Variants in CDYL2 observed in about 807,000 individuals in gnomAD.
CDYL2 encodes chromodomain Y like 2, also known as chromodomain Y-like protein 2.
In CDYL2, 23 loss-of-function variants were observed where a neutral mutation model predicts 49.4. The ratio of observed to expected loss-of-function variants is 0.47; its 90% CI spans 0.34 to 0.66. The LOEUF is 0.66. Ranked by LOEUF, CDYL2 falls within the 30% of genes least tolerant of loss-of-function variation. CDYL2 has a pLI of 0.01. For synonymous variants in CDYL2, 360 were observed against 268.8 expected (o/e 1.34, Z -3.32); for missense variants, 678 against 656.4 (o/e 1.03, Z -0.36).
At chr16:80,757,687 AT>A (rs1434356617) in intron 1 of CDYL2, among the ~76,000 whole-genome samples, 1 of 151,950 alleles carries the variant, frequency 6.6e-6, no homozygotes, top group Non-Finnish European at 1.5e-5. Context: ...AGGGAAAGGT[AT>A]ATTCATAATA....
intron 1 of CDYL2, among the ~76,000 whole-genome samples, chr16:80,711,541 G>C (rs1904596142): frequency 1.3e-5 from 2 of 152,178 alleles, no homozygotes; most frequent in South Asian, 4.1e-4. Context: ...AGGATGCAAA[G>C]TGGAAGAGAG....
chr16:80,712,837 G>A (rs1032910695), intron 1 of CDYL2, among the ~76,000 whole-genome samples: 17 of 152,134 alleles, frequency 1.1e-4, no homozygotes, highest in African/African-American at 4.8e-5. Flanking sequence ...ATGCATGACC[G>A]GCTCTGAATT....
chr16:80,694,665 C>A (rs1436168159), intron 1 of CDYL2, among the ~76,000 whole-genome samples: 1 of 152,134 alleles, frequency 6.6e-6, no homozygotes, highest in Admixed American at 6.5e-5. Context: ...TTTCCTACAT[C>A]TTTCCTCTGA....
chr16:80,781,237 A>G (rs910939518), intron 1 of CDYL2, among the ~76,000 whole-genome samples: 1 of 152,240 alleles, frequency 6.6e-6, no homozygotes, highest in African/African-American at 2.4e-5. Context: ...TCGTATGAAA[A>G]GTTGGAGAAG....
chr16:80,735,536 C>T (rs1050308279), intron 1 of CDYL2, among the ~76,000 whole-genome samples: 19 of 152,118 alleles, frequency 1.2e-4, no homozygotes, highest in Non-Finnish European at 2.1e-4. Flanking sequence ...TTAATACCAT[C>T]CCCATGTTTG....
chr16:80,704,446 G>A (rs1567577935), intron 1 of CDYL2, among the ~76,000 whole-genome samples: 1 of 152,210 alleles, frequency 6.6e-6, no homozygotes, highest in Non-Finnish European at 1.5e-5. Flanking sequence ...AAACAAATGT[G>A]GCCCTCATGC....
rs1378697639 is a variant in CDYL2 at position 80,599,682 on chromosome 16, C to T, written c.*4706G>A. 6.6e-6 allele frequency: 1 copy of T among 152,086 alleles called. No individual in the cohort carries two copies. The highest frequency in any genetic ancestry group is 1.5e-5 in the Non-Finnish European group (1 of 68,028). The allele number at this position is 152,086 out of a possible 1,614,324, so 9.4% of individuals were successfully genotyped here. A position where few individuals can be genotyped will look rare whatever the true frequency, so the allele number is the denominator to read the frequency against. ...ATCTCTCAGGGAGTGCTGACCTTAC[C>T]CAGAATGGACGTTTCCAAGTCATCG... On this transcript the variant is annotated 3_prime_UTR_variant, in exon 7 of 7. Coordinates refer to ENST00000570137, the MANE Select transcript of CDYL2 (RefSeq NM_152342.4).
intron 4 of CDYL2, among the ~76,000 whole-genome samples, chr16:80,617,001 C>A (rs1291282575): frequency 2.6e-5 from 4 of 152,166 alleles, no homozygotes; most frequent in Non-Finnish European, 5.9e-5. Context: ...GCCATGTGGG[C>A]AGCTGCTAGC....
intron 1 of CDYL2, among the ~76,000 whole-genome samples, chr16:80,753,909 T>C (rs1172421168): frequency 3.3e-5 from 5 of 152,176 alleles, no homozygotes; most frequent in African/African-American, 9.7e-5. Flanking sequence ...TTCCAAAATA[T>C]ATAATCCACT....
intron 1 of CDYL2, among the ~76,000 whole-genome samples, chr16:80,731,222 A>G (rs1040277589): frequency 3.3e-5 from 5 of 149,598 alleles, no homozygotes. Flanking sequence ...AACAAAACCA[A>G]AAAGTGAAGC....
chr16:80,772,703 G>C (rs903757455), intron 1 of CDYL2, among the ~76,000 whole-genome samples: 1 of 151,896 alleles, frequency 6.6e-6, no homozygotes, highest in African/African-American at 2.4e-5. Context: ...CACCCACCTC[G>C]GCCTCCCAAA....
At chr16:80,670,463 C>T (rs1350985170) in intron 2 of CDYL2, among the ~76,000 whole-genome samples, 1 of 152,198 alleles carries the variant, frequency 6.6e-6, no homozygotes, top group African/African-American at 2.4e-5. Flanking sequence ...GAGGCCTCCA[C>T]AGCCCTGGGG....
chr16:80,787,806 T>C (rs981429115), intron 1 of CDYL2, among the ~76,000 whole-genome samples: 4 of 152,220 alleles, frequency 2.6e-5, no homozygotes, highest in Admixed American at 2.6e-4. Flanking sequence ...ATGGTTTTAC[T>C]TACTTGAACA....
intron 1 of CDYL2, among the ~76,000 whole-genome samples, chr16:80,722,538 G>A (rs1163186301): frequency 6.6e-6 from 1 of 152,206 alleles, no homozygotes; most frequent in Non-Finnish European, 1.5e-5. Flanking sequence ...CAAGCTGCAT[G>A]TATATTGTAT....
intron 2 of CDYL2, among the ~76,000 whole-genome samples, chr16:80,654,245 C>G (rs867223623): frequency 2.0e-5 from 3 of 152,120 alleles, no homozygotes; most frequent in Non-Finnish European, 4.4e-5. Flanking sequence ...AAGCCCAGCC[C>G]GGGAAGCCAA....
At chr16:80,775,835 T>A (rs1907064662) in intron 1 of CDYL2, among the ~76,000 whole-genome samples, 1 of 151,202 alleles carries the variant, frequency 6.6e-6, no homozygotes, top group African/African-American at 2.4e-5. Context: ...ATTTAATAGG[T>A]ATATATCTAT....
At chr16:80,717,071 T>C (rs546988651) in intron 1 of CDYL2, among the ~76,000 whole-genome samples, 9 of 150,246 alleles carry the variant, frequency 6.0e-5, no homozygotes, top group African/African-American at 2.2e-4. Flanking sequence ...GATGATTAAA[T>C]GGATAAATGG....
intron 1 of CDYL2, among the ~76,000 whole-genome samples, chr16:80,777,977 TATC>T (rs1417319963): frequency 1.3e-5 from 2 of 152,044 alleles, no homozygotes; most frequent in African/African-American, 2.4e-5. Flanking sequence ...AAAAATGTAT[TATC>T]ATCAAGTGTG....
intron 1 of CDYL2, among the ~76,000 whole-genome samples, chr16:80,803,908 G>C (rs1908009880): frequency 6.9e-6 from 1 of 145,914 alleles, no homozygotes; most frequent in Non-Finnish European, 1.5e-5. Flanking sequence ...GTAAGAGAGT[G>C]TGTGTGCGAG....
Sources: allele counts gnomAD v4.1 joint callset (sites outside exome capture counted in the v4.1 genomes callset), GRCh38; gene constraint gnomAD v4.1.1; transcripts MANE v1.5; gene names NCBI Gene and HGNC (gene_info 2026-07-23, HGNC 2026-07-21).